The following ITSN2 variants were observed in gnomAD, a reference collection of about 807,000 sequenced individuals.
The protein encoded by ITSN2 is intersectin-2.
A neutral mutation model predicts 243.7 loss-of-function variants in ITSN2; 156 were observed. The observed-to-expected ratio is 0.64, with a 90% confidence interval of 0.56 to 0.73. The LOEUF (loss-of-function observed/expected upper bound fraction) is 0.73, where lower values mean the gene tolerates loss of function less well. Ranked by LOEUF, ITSN2 falls within the 30% of genes least tolerant of loss-of-function variation. The probability of loss-of-function intolerance (pLI) is 0.00; values close to 1 mark genes in which losing one functional copy is unlikely to be tolerated. For synonymous variants in ITSN2, 703 were observed against 699.9 expected (o/e 1.00, Z -0.07); for missense variants, 1,801 against 1,996.1 (o/e 0.90, Z 1.86).
At chr2:24,264,422 T>C (rs1206900858) in intron 20 of ITSN2, among the ~76,000 whole-genome samples, 1 of 6,136 alleles carries the variant, frequency 1.6e-4, no homozygotes, top group Non-Finnish European at 4.0e-4. Flanking sequence ...AGAAACACTA[T>C]TTATTAGATT....
In ITSN2 at chr2:24,246,293, T is replaced by G. The variant is rs1558478429; in HGVS notation, c.3413A>C (p.Tyr1138Ser). The change falls in exon 29 of 40, where the codon TAT becomes TCT. Residue 1138 changes from tyrosine to serine, a missense_variant. Tyr to Ser is a moderately radical substitution (Grantham distance 144). Transcript: ENST00000355123. ...GAGCTCATCTTCATTATTTGCTGCA[T>G]AGTCATACATAGCAATCACCTGACA... Reference protein sequence around the residue: ...PVCQVIAMYDYAANNEDELSF... With the variant: ...PVCQVIAMYDSAANNEDELSF... The G allele has an allele frequency of 6.2e-7, 1 of 1,608,274 alleles. No homozygotes were observed. Among genetic ancestry groups the G allele is most frequent in the Non-Finnish European group, 8.5e-7 (1 of 1,175,886 alleles).
In ITSN2 at chr2:24,210,874, A is replaced by G; in HGVS notation, c.4163T>C (p.Leu1388Pro). 1 of 1,614,128 alleles carries G rather than the reference A, an allele frequency of 6.2e-7. No homozygotes were observed. Among genetic ancestry groups the G allele is most frequent in the Non-Finnish European group, 8.5e-7 (1 of 1,180,026 alleles). Reference protein sequence around the residue: ...LKLALERAEELCSQVNEGVRE... With the variant: ...LKLALERAEEPCSQVNEGVRE... ...AACTCCCTCATTCACTTGAGAGCAC[A>G]GCTCCTCTGCCCGCTCGAGGGCCAG... Residue 1388 changes from leucine to proline, a missense_variant, in exon 34 of 40, where the codon CTG (leucine) becomes CCG (proline). This residue lies in a region of ITSN2 where 928 missense variants were observed against 1,065.4 expected (regional missense o/e 0.87). Coordinates refer to ENST00000355123, the MANE Select transcript of ITSN2 (RefSeq NM_006277.3).
intron 2 of ITSN2, among the ~76,000 whole-genome samples, chr2:24,321,649 A>G (rs1684592199): frequency 6.6e-6 from 1 of 152,246 alleles, no homozygotes; most frequent in Admixed American, 6.5e-5. Flanking sequence ...TCAGTTTATC[A>G]GAAAATAAAT....
At chr2:24,309,493 C>T (rs1002483591) in intron 7 of ITSN2, among the ~76,000 whole-genome samples, 2 of 152,140 alleles carry the variant, frequency 1.3e-5, no homozygotes, top group Admixed American at 1.3e-4. Context: ...AGCCACTGTG[C>T]CTGGCCAATG....
intron 29 of ITSN2, 139 bp downstream of exon 29, chr2:24,245,990 T>G: frequency 1.8e-6 from 1 of 545,316 alleles, no homozygotes; most frequent in Non-Finnish European, 3.1e-6. Flanking sequence ...AGTTTCCTTT[T>G]GTTTCTTCTC....
rs1223531208 is a variant in ITSN2, at chr2:24,249,621, C to G, written c.3121-739G>C. Among the ~76,000 whole-genome samples the G allele has an allele frequency of 6.6e-6, 1 of 152,150 alleles. No individual in the cohort carries two copies. Among genetic ancestry groups the G allele is most frequent in the Non-Finnish European group, 1.5e-5 (1 of 68,028 alleles). On this transcript the variant is annotated intron_variant, in intron 25 of 39. Transcript: ENST00000355123. The surrounding 1 kb of genome is among the most constrained non-coding windows in gnomAD (Gnocchi z 4.4). ...ATAACAGACACTGCTCTAAGAGGTT[C>G]CATATATTCTGCTATTTAATTTTCA...
intron 1 of ITSN2, among the ~76,000 whole-genome samples, chr2:24,348,116 A>G (rs1687710972): frequency 6.6e-6 from 1 of 151,848 alleles, no homozygotes; most frequent in Admixed American, 6.6e-5. Flanking sequence ...AAATACTAAG[A>G]TCTCAGTAAA....
intron 1 of ITSN2, among the ~76,000 whole-genome samples, chr2:24,342,642 T>C (rs1687153103): frequency 6.6e-6 from 1 of 151,200 alleles, no homozygotes; most frequent in African/African-American, 2.4e-5. Context: ...ATATGTGCAT[T>C]TCAGCTTGCA....
intron 1 of ITSN2, among the ~76,000 whole-genome samples, chr2:24,353,784 A>G: frequency 6.6e-6 from 1 of 152,246 alleles, no homozygotes; most frequent in Non-Finnish European, 1.5e-5. Flanking sequence ...ATCTGTCATA[A>G]GGAAATAACA....
At chr2:24,338,278 A>C (rs146805139) in intron 1 of ITSN2, among the ~76,000 whole-genome samples, 7 of 152,316 alleles carry the variant, frequency 4.6e-5, no homozygotes, top group African/African-American at 1.4e-4. Flanking sequence ...GCTATTGTCA[A>C]CCAGAAAATT....
intron 3 of ITSN2, among the ~76,000 whole-genome samples, chr2:24,314,919 T>G (rs1441216171): frequency 6.6e-6 from 1 of 152,194 alleles, no homozygotes; most frequent in African/African-American, 2.4e-5. Context: ...TCATTTAGGA[T>G]TCAGGAAAAA....
chr2:24,348,152 G>A (rs1359092727), intron 1 of ITSN2, among the ~76,000 whole-genome samples: 1 of 150,322 alleles, frequency 6.7e-6, no homozygotes, highest in Non-Finnish European at 1.5e-5. Flanking sequence ...TAAAGAGAAG[G>A]CTATGGTAAA....
chr2:24,309,689 A>G (rs1683010226), intron 7 of ITSN2, among the ~76,000 whole-genome samples: 1 of 152,150 alleles, frequency 6.6e-6, no homozygotes, highest in South Asian at 2.1e-4. Context: ...CAAACTTAAA[A>G]AATACTACAG....
intron 9 of ITSN2, among the ~76,000 whole-genome samples, 199 bp downstream of exon 9, chr2:24,303,600 A>G (rs376110163): frequency 1.3e-5 from 2 of 152,242 alleles, no homozygotes; most frequent in African/African-American, 4.8e-5. Context: ...AATTTGGTGT[A>G]GCTTAAGGGT....
intron 2 of ITSN2, among the ~76,000 whole-genome samples, chr2:24,322,354 G>A (rs1684669296): frequency 1.3e-5 from 2 of 152,188 alleles, no homozygotes; most frequent in Admixed American, 6.5e-5. Context: ...GGTAAGTGTT[G>A]AAGGCAAGAC....
At chr2:24,356,412 G>A (rs187525984) in intron 1 of ITSN2, among the ~76,000 whole-genome samples, 44 of 150,332 alleles carry the variant, frequency 2.9e-4, no homozygotes, top group African/African-American at 9.7e-4. Context: ...CCCACAGAAC[G>A]GGAGAAAATT....
intron 13 of ITSN2, among the ~76,000 whole-genome samples, chr2:24,297,586 A>C (rs1294097532): frequency 1.3e-5 from 2 of 152,164 alleles, no homozygotes; most frequent in Non-Finnish European, 2.9e-5. Context: ...AAACCCCAAG[A>C]AACATAAAGC....
chr2:24,292,755 A>G (rs1362043766), intron 15 of ITSN2, among the ~76,000 whole-genome samples: 1 of 152,206 alleles, frequency 6.6e-6, no homozygotes, highest in Non-Finnish European at 1.5e-5. Flanking sequence ...TATAGGTGCA[A>G]CTATACCACC....
chr2:24,248,060 A>G (rs543617943), intron 27 of ITSN2, among the ~76,000 whole-genome samples: 1 of 152,294 alleles, frequency 6.6e-6, no homozygotes, highest in South Asian at 2.1e-4. Context: ...TAATCCCTAA[A>G]ATGCTTTTTA....
Sources: gnomAD v4.1 joint callset for allele counts (sites outside exome capture counted in the v4.1 genomes callset) on GRCh38, gnomAD v4.1.1 for gene constraint, gnomAD v4.1.1 regional missense constraint, Gnocchi (gnomAD v3.1) non-coding constraint, MANE v1.5 for transcripts, NCBI Gene and HGNC (gene_info 2026-07-23, HGNC 2026-07-21) for gene names.